Variants in LRIF1 observed in about 807,000 individuals in gnomAD.
LRIF1 encodes the protein ligand-dependent nuclear receptor-interacting factor 1.
A neutral mutation model predicts 52.7 loss-of-function variants in LRIF1; 32 were observed. The observed-to-expected ratio is 0.61, with a 90% CI of 0.46 to 0.82. The LOEUF (loss-of-function observed/expected upper bound fraction) is 0.82, where lower values mean the gene tolerates loss of function less well. LRIF1 is among the 40% of genes least tolerant of loss of function. LRIF1 has a pLI of 0.00. For missense variants in LRIF1, 887 were observed against 892.0 expected, an observed-to-expected ratio of 0.99 and a Z score of 0.07; for synonymous variants, 323 against 317.4, an observed-to-expected ratio of 1.02 and a Z score of -0.19.
chr1:110,880,542 C>T, the LRIF1 span, among the ~76,000 whole-genome samples: 1 of 152,054 alleles, frequency 6.6e-6, no homozygotes, highest in Non-Finnish European at 1.5e-5. Flanking sequence ...GATGTTGGGG[C>T]TGATGTGACT....
At chr1:110,950,569 G>C (rs1200974820) in intron 2 of LRIF1, among the ~76,000 whole-genome samples, 1 of 151,904 alleles carries the variant, frequency 6.6e-6, no homozygotes, top group East Asian at 1.9e-4. Context: ...TTATTGAGTA[G>C]ACCTCTAAGT....
At chr1:110,904,440 G>A in the LRIF1 span, among the ~76,000 whole-genome samples, 1 of 152,146 alleles carries the variant, frequency 6.6e-6, no homozygotes, top group African/African-American at 2.4e-5. Flanking sequence ...AGAACAGAAA[G>A]AGAGAGAGAA....
the LRIF1 span, chr1:110,937,750 A>T: frequency 7.2e-5 from 11 of 152,094 alleles, no homozygotes; most frequent in African/African-American, 2.4e-5. Flanking sequence ...AAATTGAAAT[A>T]GAGAAAATAC....
chr1:110,882,360 ATATAT>A, the LRIF1 span, among the ~76,000 whole-genome samples: 1 of 152,006 alleles, frequency 6.6e-6, no homozygotes, highest in East Asian at 1.9e-4. Flanking sequence ...TCATTCTGTA[ATATAT>A]TAATTTTGTA....
chr1:110,899,054 C>G, the LRIF1 span: 6 of 1,173,196 alleles, frequency 5.1e-6, no homozygotes, highest in Non-Finnish European at 6.3e-6. Context: ...TCTCAGAGGC[C>G]AATCCCAGGC....
the LRIF1 span, among the ~76,000 whole-genome samples, chr1:110,927,500 T>C: frequency 6.6e-6 from 1 of 152,160 alleles, no homozygotes; most frequent in African/African-American, 2.4e-5. Context: ...ACATTAATGG[T>C]ATGGGTGGGC....
downstream of LRIF1, chr1:110,944,877 G>A (rs910539293): frequency 3.3e-5 from 5 of 151,310 alleles, no homozygotes; most frequent in African/African-American, 9.7e-5. Context: ...AACACTGAAA[G>A]GGAAAGCTCA....
the LRIF1 span, among the ~76,000 whole-genome samples, chr1:110,919,377 A>G: frequency 6.6e-6 from 1 of 152,136 alleles, no homozygotes; most frequent in Non-Finnish European, 1.5e-5. Context: ...TCCAGCCTGC[A>G]TCTTTCTCCT....
chr1:110,950,281 G>C (rs1658411000), intron 2 of LRIF1, among the ~76,000 whole-genome samples, 158 bp from the exon 3 acceptor site: 1 of 152,114 alleles, frequency 6.6e-6, no homozygotes, highest in African/African-American at 2.4e-5. Context: ...TCAAAAAACT[G>C]AATATAAGGA....
the LRIF1 span, among the ~76,000 whole-genome samples, chr1:110,934,280 T>C: frequency 6.6e-6 from 1 of 152,158 alleles, no homozygotes; most frequent in South Asian, 2.1e-4. Flanking sequence ...ATGGTGGTTA[T>C]TGGATGAAAC....
At position 110,951,447 on chromosome 1, in the gene LRIF1, T is replaced by C. The variant is rs1169323157; in HGVS notation, c.1437A>G (p.Pro479=). The C allele has an allele frequency of 2.5e-6, 4 of 1,614,028 alleles. No homozygotes were observed. In the South Asian group the frequency reaches 3.3e-5, roughly 13 times the overall value. ...CATTGTGTCCTGTACTAAATCCAAC[T>C]GGAAAGATTGGATTTGTGAATAAAG... ...SKTLFTNPIF[P]VGFSTGHNAP... is the part of the protein sequence containing the mutation. The change falls in exon 2 of 4, where the codon CCA becomes CCG. Residue 479 remains proline (P), a synonymous_variant. Coordinates refer to ENST00000369763, the MANE Select transcript of LRIF1 (RefSeq NM_018372.4).
At chr1:110,942,157 T>C in the LRIF1 span, 1 of 152,132 alleles carries the variant, frequency 6.6e-6, no homozygotes, top group African/African-American at 2.4e-5. Context: ...TCCAATACTT[T>C]GCAACTAAGA....
At chr1:110,963,048 A>G (rs1013819095) in intron 1 of LRIF1, among the ~76,000 whole-genome samples, 4 of 152,166 alleles carry the variant, frequency 2.6e-5, no homozygotes, top group African/African-American at 9.7e-5. Flanking sequence ...ATTACACCCT[A>G]CTTCAAAAAG....
the LRIF1 span, among the ~76,000 whole-genome samples, chr1:110,900,766 CA>C: frequency 7.0e-4 from 85 of 121,584 alleles, 1 homozygote; most frequent in African/African-American, 1.5e-3. Context: ...AAAAAAAAAA[CA>C]AAAAAAAAAG....
At chr1:110,952,955 G>A (rs1570943294) in intron 1 of LRIF1, 140 bp from the exon 2 acceptor site, 2 of 380,450 alleles carry the variant, frequency 5.3e-6, no homozygotes, top group Admixed American at 9.6e-5. Context: ...GTGAAAGACT[G>A]CAAAACAAAT....
At chr1:110,962,816 T>C (rs1391482693) in intron 1 of LRIF1, among the ~76,000 whole-genome samples, 1 of 152,122 alleles carries the variant, frequency 6.6e-6, no homozygotes. Flanking sequence ...AGACCCTATT[T>C]TTTCCTCATC....
At chr1:110,890,425 G>A in the LRIF1 span, among the ~76,000 whole-genome samples, 3 of 151,982 alleles carry the variant, frequency 2.0e-5, no homozygotes, top group Non-Finnish European at 2.9e-5. Flanking sequence ...AAATTATCCG[G>A]GCATGATGGT....
At chr1:110,883,389 C>T in the LRIF1 span, among the ~76,000 whole-genome samples, 2 of 151,874 alleles carry the variant, frequency 1.3e-5, no homozygotes, top group Non-Finnish European at 2.9e-5. Flanking sequence ...CCTTGCATTC[C>T]TGAGAGTAGC....
At chr1:110,879,621 G>A in the LRIF1 span, among the ~76,000 whole-genome samples, 33 of 152,048 alleles carry the variant, frequency 2.2e-4, no homozygotes, top group South Asian at 5.6e-3. Context: ...TCTCATAAGC[G>A]TAATGGTCTA....
Sources: gnomAD v4.1 joint callset for allele counts (sites outside exome capture counted in the v4.1 genomes callset) on GRCh38, gnomAD v4.1.1 for gene constraint, MANE v1.5 for transcripts, NCBI Gene and HGNC (gene_info 2026-07-23, HGNC 2026-07-21) for gene names.